Variants in ARSB observed in about 807,000 individuals in gnomAD.
The protein encoded by ARSB is arylsulfatase B, also known as N-acetylgalactosamine-4-sulfatase.
ARSB carries 41 observed loss-of-function variants against 50.9 expected under a neutral mutation model. That is an observed-to-expected ratio of 0.81 (90% CI 0.63 to 1.04). The LOEUF is 1.04. ARSB is among the 50% of genes least tolerant of loss of function. The pLI, the probability that ARSB is intolerant of heterozygous loss-of-function variation, is 0.00. For missense variants in ARSB, 672 were observed against 693.3 expected, an observed-to-expected ratio of 0.97 and a Z score of 0.35; for synonymous variants, 269 against 284.8, an observed-to-expected ratio of 0.94 and a Z score of 0.56.
At position 78,964,459 on chromosome 5, in the gene ARSB, G is replaced by A. The variant is rs200364654; in HGVS notation, c.647C>T (p.Thr216Ile). The A allele has an allele frequency of 5.7e-5, 92 of 1,613,908 alleles. No homozygotes were observed. Among genetic ancestry groups the A allele is most frequent in the Admixed American group, 1.3e-4 (8 of 60,008 alleles). The change falls in exon 3 of 8, where the codon ACC becomes ATC. Residue 216 changes from threonine to isoleucine, a missense_variant. Physicochemically the swap from Thr to Ile is moderately conservative, Grantham distance 89. Transcript: ENST00000264914. Reference protein sequence around the residue: ...YKNMYSTNIFTKRAIALITNH... With the variant: ...YKNMYSTNIFIKRAIALITNH... ...AGTTATGAGGGCTATAGCCCTTTTG[G>A]TGAATATGTTTGTTGAATACATATT... is the stretch of plus-strand genomic sequence containing the variant.
chr5:78,880,779 A>G (rs2112191505), intron 5 of ARSB, among the ~76,000 whole-genome samples: 1 of 152,336 alleles, frequency 6.6e-6, no homozygotes, highest in South Asian at 2.1e-4. Context: ...AAAATAGGTA[A>G]TATCTAGATT....
At chr5:78,948,914 G>T (rs1650337715) in intron 4 of ARSB, among the ~76,000 whole-genome samples, 1 of 152,076 alleles carries the variant, frequency 6.6e-6, no homozygotes. Context: ...GGAGATTTTT[G>T]GGCCTCTGGG....
At chr5:78,848,216 C>T (rs192509706) in intron 5 of ARSB, among the ~76,000 whole-genome samples, 1 of 128,420 alleles carries the variant, frequency 7.8e-6, no homozygotes, top group African/African-American at 2.9e-5. Flanking sequence ...TATCCTCCCC[C>T]CTCCCCCCAC....
chr5:78,906,870 T>A (rs1455292624), intron 4 of ARSB, among the ~76,000 whole-genome samples: 3 of 152,178 alleles, frequency 2.0e-5, no homozygotes, highest in East Asian at 3.8e-4. Context: ...TGATTTTTTT[T>A]AAACCTTCAT....
intron 4 of ARSB, among the ~76,000 whole-genome samples, chr5:78,941,610 C>A (rs376656090): frequency 4.6e-5 from 7 of 152,174 alleles, no homozygotes; most frequent in East Asian, 3.8e-4. Flanking sequence ...ATTGAACCAG[C>A]CTTGCATCCC....
chr5:78,780,548 C>G lies in ARSB; in HGVS notation c.1451G>C (p.Arg484Thr). 2 of 1,614,100 alleles carry G rather than the reference C, an allele frequency of 1.2e-6. No individual in the cohort carries two copies. Among genetic ancestry groups the G allele is most frequent in the Non-Finnish European group, 1.7e-6 (2 of 1,180,022 alleles). Residue 484 changes from arginine (R) to threonine (T), a missense_variant, in exon 8 of 8, where the codon AGA (arginine) becomes ACA (threonine). Transcript: ENST00000264914. ...LFDIDRDPEE[R>T]HDLSREYPHI... is the part of the protein sequence containing the mutation. ...AGGATATTCTCTGGACAGGTCATGT[C>G]TTTCTTCAGGGTCCCGATCAATATC...
rs368030435 is a variant in ARSB at position 78,841,168 on chromosome 5, C to CTACTACTAATAATAATAA, written c.1143-1743_1143-1742insTTATTATTATTAGTAGTA. Among the ~76,000 whole-genome samples, 225 of 132,002 alleles carry CTACTACTAATAATAATAA rather than the reference C, an allele frequency of 1.7e-3. 1 individual carries two copies. Among genetic ancestry groups the CTACTACTAATAATAATAA allele is most frequent in the African/African-American group, 4.1e-3 (145 of 35,052 alleles). 86.6% of individuals were successfully genotyped at this position (132,002 alleles called of 152,430 possible). ...ACTACTACTACTACTACTACTACTA[C>CTACTACTAATAATAATAA]TAATAATAATAATAATTTGAGCATG... On this transcript the variant is annotated intron_variant, in intron 5 of 7. Transcript: ENST00000264914.
At chr5:78,792,347 C>T (rs1389539323) in intron 6 of ARSB, among the ~76,000 whole-genome samples, 2 of 151,356 alleles carry the variant, frequency 1.3e-5, no homozygotes, top group African/African-American at 4.9e-5. Context: ...TCACTGTACT[C>T]CAGCCTGGAC....
At chr5:78,940,715 G>A (rs1750872111) in intron 4 of ARSB, among the ~76,000 whole-genome samples, 1 of 152,196 alleles carries the variant, frequency 6.6e-6, no homozygotes, top group Non-Finnish European at 1.5e-5. Flanking sequence ...AAGTCAGGTA[G>A]TGTGATGCCT....
At chr5:78,822,737 A>C (rs2112678132) in intron 6 of ARSB, among the ~76,000 whole-genome samples, 1 of 152,234 alleles carries the variant, frequency 6.6e-6, no homozygotes. Flanking sequence ...TTCCGGGTTC[A>C]CGCCATTCTC....
At chr5:78,870,205 A>T (rs1426889479) in intron 5 of ARSB, among the ~76,000 whole-genome samples, 2 of 147,278 alleles carry the variant, frequency 1.4e-5, no homozygotes, top group African/African-American at 5.0e-5. Flanking sequence ...CCAGGACCAG[A>T]AGGATTCACA....
chr5:78,803,551 G>T (rs1366480643), intron 6 of ARSB, among the ~76,000 whole-genome samples: 2 of 152,162 alleles, frequency 1.3e-5, no homozygotes, highest in Admixed American at 6.5e-5. Flanking sequence ...CCCTGGCCTT[G>T]GTCCACTGGG....
intron 5 of ARSB, among the ~76,000 whole-genome samples, chr5:78,882,644 G>C (rs976111820): frequency 2.0e-5 from 3 of 151,990 alleles, no homozygotes; most frequent in African/African-American, 7.3e-5. Flanking sequence ...AAGTTTCTTG[G>C]ATGACACAAT....
intron 1 of ARSB, among the ~76,000 whole-genome samples, chr5:78,973,269 A>C (rs141209131): frequency 6.6e-6 from 1 of 152,334 alleles, no homozygotes; most frequent in Non-Finnish European, 1.5e-5. Flanking sequence ...TACATGTAAT[A>C]TACGAAAGTC....
intron 5 of ARSB, among the ~76,000 whole-genome samples, chr5:78,851,250 G>A (rs996385212): frequency 2.6e-5 from 4 of 152,108 alleles, no homozygotes; most frequent in Non-Finnish European, 5.9e-5. Flanking sequence ...AGAGATTCTG[G>A]TATGTTGTGT....
At chr5:78,965,298 T>G (rs1409554849) in intron 2 of ARSB, among the ~76,000 whole-genome samples, 1 of 151,500 alleles carries the variant, frequency 6.6e-6, no homozygotes, top group Non-Finnish European at 1.5e-5. Flanking sequence ...TCAAATATAG[T>G]TGTTTCTGCA....
intron 6 of ARSB, among the ~76,000 whole-genome samples, chr5:78,829,503 C>T (rs1407005535): frequency 5.9e-5 from 9 of 152,040 alleles, no homozygotes; most frequent in Admixed American, 5.2e-4. Flanking sequence ...TGTTAATATC[C>T]TTTCCTGGGC....
At chr5:78,910,292 T>C (rs1749250653) in intron 4 of ARSB, among the ~76,000 whole-genome samples, 1 of 152,242 alleles carries the variant, frequency 6.6e-6, no homozygotes. Flanking sequence ...CTCTGTGTCT[T>C]ATTTCTTTTC....
intron 6 of ARSB, chr5:78,817,142 G>A: frequency 1.0e-6 from 1 of 984,484 alleles, no homozygotes; most frequent in Non-Finnish European, 1.2e-6. Context: ...TACTGGGAGA[G>A]ATAAAGAATG....
Sources: allele counts gnomAD v4.1 joint callset (sites outside exome capture counted in the v4.1 genomes callset), GRCh38; gene constraint gnomAD v4.1.1; transcripts MANE v1.5; gene names NCBI Gene and HGNC (gene_info 2026-07-23, HGNC 2026-07-21).